The following IRAK2 variants were observed in gnomAD, a reference collection of about 807,000 sequenced individuals.
The protein encoded by IRAK2 is interleukin-1 receptor-associated kinase-like 2.
A neutral mutation model predicts 72.0 loss-of-function variants in IRAK2; 57 were observed. The observed-to-expected ratio is 0.79, with a 90% CI of 0.64 to 0.99. The LOEUF is 0.99. IRAK2 is among the 50% of genes least tolerant of loss of function. The probability of loss-of-function intolerance (pLI) is 0.00; values close to 1 mark genes in which losing one functional copy is unlikely to be tolerated. For missense variants in IRAK2, 790 were observed against 794.4 expected, an observed-to-expected ratio of 0.99 and a Z score of 0.07; for synonymous variants, 293 against 312.7, an observed-to-expected ratio of 0.94 and a Z score of 0.67.
chr3:10,233,952 C>T (rs1027291628), intron 10 of IRAK2, among the ~76,000 whole-genome samples: 1 of 152,030 alleles, frequency 6.6e-6, no homozygotes, highest in Non-Finnish European at 1.5e-5. Context: ...ACCTCCCCCA[C>T]CATAGGTTCA....
intron 2 of IRAK2, among the ~76,000 whole-genome samples, chr3:10,187,275 T>C: frequency 6.6e-6 from 1 of 152,170 alleles, no homozygotes; most frequent in East Asian, 1.9e-4. Context: ...CTTTTTATCC[T>C]CTCCTCTCCA....
At chr3:10,240,496 C>G (rs915922351) in intron 12 of IRAK2, among the ~76,000 whole-genome samples, 2 of 131,406 alleles carry the variant, frequency 1.5e-5, no homozygotes, top group African/African-American at 5.8e-5. Flanking sequence ...CCACTCAGGT[C>G]CAAGGATACC....
chr3:10,169,786 C>T (rs769790838), intron 1 of IRAK2, among the ~76,000 whole-genome samples: 8 of 152,162 alleles, frequency 5.3e-5, no homozygotes, highest in South Asian at 2.1e-4. Flanking sequence ...ACATCCTCAG[C>T]TTATGAAAAT....
chr3:10,187,514 G>T (rs999661881), intron 2 of IRAK2, among the ~76,000 whole-genome samples: 1 of 152,178 alleles, frequency 6.6e-6, no homozygotes, highest in South Asian at 2.1e-4. Context: ...GTCTAGAGTA[G>T]CATTTCCCAC....
chr3:10,210,622 C>G (rs1288703425), intron 4 of IRAK2, among the ~76,000 whole-genome samples: 4 of 151,672 alleles, frequency 2.6e-5, no homozygotes, highest in Non-Finnish European at 4.4e-5. Context: ...TGTGGTGTCA[C>G]ATGCCTGTAG....
In IRAK2 at chr3:10,222,845, G is replaced by C; in HGVS notation, c.1209+14G>C. 3 of 1,610,206 alleles carry C rather than the reference G, an allele frequency of 1.9e-6. No individual in the cohort carries two copies. The highest frequency in any genetic ancestry group is 2.6e-6 in the Non-Finnish European group (3 of 1,176,464). ...AGCTGTGGAATAGTAAGAGTGTCCTGCTCTGCGTAGAGTGGGGCCCACCTT... is the reference window on the plus strand; with the variant it reads ...AGCTGTGGAATAGTAAGAGTGTCCTCCTCTGCGTAGAGTGGGGCCCACCTT... On this transcript the variant is annotated intron_variant, in intron 9 of 12. Transcript: ENST00000256458.
chr3:10,232,761 T>A (rs1049664175), intron 10 of IRAK2, among the ~76,000 whole-genome samples: 2 of 151,110 alleles, frequency 1.3e-5, no homozygotes, highest in Non-Finnish European at 3.0e-5. Flanking sequence ...TAGTACACTT[T>A]AAAAAAAAAA....
intron 1 of IRAK2, among the ~76,000 whole-genome samples, chr3:10,175,808 T>C (rs1365847408): frequency 3.5e-5 from 5 of 143,764 alleles, no homozygotes; most frequent in African/African-American, 1.3e-4. Context: ...GAGAATGGCC[T>C]GAACCCGGGA....
chr3:10,213,808 C>G (rs895671123), intron 6 of IRAK2, among the ~76,000 whole-genome samples: 3 of 152,116 alleles, frequency 2.0e-5, no homozygotes, highest in Non-Finnish European at 4.4e-5. Flanking sequence ...GCTCCAGAGT[C>G]CATTCTTCTC....
chr3:10,236,619 A>G (rs1407735376), intron 11 of IRAK2, among the ~76,000 whole-genome samples: 1 of 152,126 alleles, frequency 6.6e-6, no homozygotes, highest in African/African-American at 2.4e-5. Context: ...AAGTGCTGGG[A>G]TTATGGGCCT....
intron 7 of IRAK2, among the ~76,000 whole-genome samples, chr3:10,217,445 G>T (rs1697623278): frequency 6.6e-6 from 1 of 152,214 alleles, no homozygotes; most frequent in Non-Finnish European, 1.5e-5. Flanking sequence ...GGTTCTGGAG[G>T]TGTTAGCCAA....
At chr3:10,203,129 T>C (rs144829068) in intron 3 of IRAK2, among the ~76,000 whole-genome samples, 8,393 of 152,152 alleles carry the variant, frequency 0.055, 524 homozygotes, top group African/African-American at 0.16. Flanking sequence ...CCTGAGTAGC[T>C]GGGACTATAG....
intron 6 of IRAK2, among the ~76,000 whole-genome samples, chr3:10,216,403 A>G (rs752176115): frequency 2.0e-5 from 3 of 152,118 alleles, no homozygotes; most frequent in Admixed American, 1.3e-4. Context: ...CCTTATAGCA[A>G]TGGGAGGTTC....
intron 10 of IRAK2, among the ~76,000 whole-genome samples, chr3:10,230,288 C>A (rs542356065): frequency 2.1e-3 from 317 of 151,872 alleles, no homozygotes; most frequent in African/African-American, 7.0e-3. Context: ...AGTACCCCCC[C>A]CCACCGACAA....
chr3:10,202,156 G>A (rs77968928), intron 3 of IRAK2, among the ~76,000 whole-genome samples: 10,408 of 152,168 alleles, frequency 0.068, 526 homozygotes, highest in African/African-American at 0.14. Flanking sequence ...CTAAATATAT[G>A]TATTTTTAAG....
rs1041006009 is a variant in IRAK2 at position 10,222,575 on chromosome 3, A to G, written c.1014-61A>G. On this transcript the variant is annotated intron_variant, in intron 8 of 12. Transcript: ENST00000256458. The stretch of plus-strand genomic sequence containing the variant: ...TATATTGTCTCCCCAAAGGGTCTCC[A>G]TGGCAACTTGTTGTTATCCAGCTCA... 26 of 1,431,334 alleles carry G rather than the reference A, an allele frequency of 1.8e-5. No individual in the cohort carries two copies. The Admixed American group carries it at 2.4e-4, about 13-fold the overall frequency. The allele number at this position is 1,431,334 out of a possible 1,614,324, so 88.7% of individuals were successfully genotyped here.
intron 11 of IRAK2, among the ~76,000 whole-genome samples, 161 bp from the exon 12 acceptor site, chr3:10,238,587 A>T (rs1341511719): frequency 6.6e-6 from 1 of 152,192 alleles, no homozygotes; most frequent in Non-Finnish European, 1.5e-5. Context: ...GTGGGCAAGC[A>T]CAGGTCTTTT....
intron 11 of IRAK2, among the ~76,000 whole-genome samples, chr3:10,236,770 T>C (rs1164484681): frequency 1.3e-5 from 2 of 152,234 alleles, no homozygotes; most frequent in Middle Eastern, 3.2e-3. Flanking sequence ...ATTATTTTGT[T>C]CAGTGTGTCA....
intron 1 of IRAK2, among the ~76,000 whole-genome samples, chr3:10,172,837 C>CAAAAA (rs533137515): frequency 7.4e-5 from 4 of 53,990 alleles, no homozygotes; most frequent in African/African-American, 2.6e-4. Context: ...GACTCTGTCT[C>CAAAAA]AAAAAAAAAA....
Sources: gnomAD v4.1 joint callset for allele counts (sites outside exome capture counted in the v4.1 genomes callset) on GRCh38, gnomAD v4.1.1 for gene constraint, MANE v1.5 for transcripts, NCBI Gene and HGNC (gene_info 2026-07-23, HGNC 2026-07-21) for gene names.